The following DOCK4 variants were observed in gnomAD, a reference collection of about 807,000 sequenced individuals.
DOCK4 encodes dedicator of cytokinesis 4, also known as dedicator of cytokinesis protein 4.
A neutral mutation model predicts 268.1 loss-of-function variants in DOCK4; 97 were observed. That is an observed-to-expected ratio of 0.36 (90% confidence interval 0.31 to 0.43). The LOEUF is 0.43. Among genes scored for constraint, DOCK4 ranks in the 20% least tolerant of loss-of-function variants. The probability of loss-of-function intolerance (pLI) is 1.00; values close to 1 mark genes in which losing one functional copy is unlikely to be tolerated. For missense variants in DOCK4, 2,145 were observed against 2,455.7 expected, an observed-to-expected ratio of 0.87 and a Z score of 2.67; for synonymous variants, 954 against 887.2, an observed-to-expected ratio of 1.08 and a Z score of -1.34.
At chr7:111,983,430 G>A (rs140413217) in intron 7 of DOCK4, among the ~76,000 whole-genome samples, 526 of 152,250 alleles carry the variant, frequency 3.5e-3, no homozygotes, top group Admixed American at 7.2e-3. Flanking sequence ...CAGCAGTAAT[G>A]AGATCAAAGT....
chr7:112,008,455 G>A (rs781608455), intron 1 of DOCK4, among the ~76,000 whole-genome samples: 18 of 152,198 alleles, frequency 1.2e-4, no homozygotes, highest in African/African-American at 2.2e-4. Flanking sequence ...AGTTTAGTAC[G>A]TATTGACAGT....
intron 36 of DOCK4, among the ~76,000 whole-genome samples, chr7:111,771,449 T>A (rs573014247): frequency 1.3e-5 from 2 of 152,294 alleles, no homozygotes; most frequent in African/African-American, 4.8e-5. Context: ...TCTTTCTTAA[T>A]GGGATTGAAC....
At chr7:112,161,677 T>G (rs1444669140) in intron 1 of DOCK4, among the ~76,000 whole-genome samples, 1 of 152,178 alleles carries the variant, frequency 6.6e-6, no homozygotes. Context: ...GCTTTACTTA[T>G]GGAAGGAAGG....
At chr7:112,182,775 T>A (rs1819169339) in intron 1 of DOCK4, among the ~76,000 whole-genome samples, 1 of 152,254 alleles carries the variant, frequency 6.6e-6, no homozygotes, top group Admixed American at 6.5e-5. Context: ...CGGCTAGGTG[T>A]GCAGGCATGT....
At chr7:112,077,181 T>C (rs373222452) in intron 1 of DOCK4, among the ~76,000 whole-genome samples, 4 of 152,106 alleles carry the variant, frequency 2.6e-5, no homozygotes, top group South Asian at 2.1e-4. Context: ...AAAAGTAACC[T>C]TTTGGATAAA....
At chr7:112,174,146 G>A (rs928687291) in intron 1 of DOCK4, among the ~76,000 whole-genome samples, 1 of 152,016 alleles carries the variant, frequency 6.6e-6, no homozygotes, top group Non-Finnish European at 1.5e-5. Context: ...GACCAGCTGC[G>A]GACCTTCAAC....
At chr7:111,993,070 G>C (rs114467423) in intron 5 of DOCK4, among the ~76,000 whole-genome samples, 242 of 152,290 alleles carry the variant, frequency 1.6e-3, no homozygotes, top group African/African-American at 5.6e-3. Flanking sequence ...GAGTTCTAAA[G>C]CTACCAGCTA....
intron 30 of DOCK4, 199 bp downstream of exon 30, chr7:111,808,622 A>G: frequency 4.0e-6 from 2 of 506,164 alleles, no homozygotes; most frequent in East Asian, 5.8e-5. Context: ...AGGTAAGGTG[A>G]CTTTTCTTAG....
chr7:112,125,709 T>G lies in DOCK4; in HGVS notation c.37+80393A>C, dbSNP rs1813157235. On this transcript the variant is annotated intron_variant, in intron 1 of 52. Transcript: ENST00000428084. Reference sequence around the variant, plus strand: ...TTGTAAGAGTATCTAGTCATAGATCTGCTATAAAGCTTAAGTGAGACAGGT... The same window carrying G: ...TTGTAAGAGTATCTAGTCATAGATCGGCTATAAAGCTTAAGTGAGACAGGT... Among the ~76,000 whole-genome samples, 3 of 152,248 alleles carry G rather than the reference T, an allele frequency of 2.0e-5. No individual in the cohort carries two copies. In the South Asian group the frequency reaches 6.2e-4, roughly 31 times the overall value.
intron 30 of DOCK4, among the ~76,000 whole-genome samples, chr7:111,796,457 G>A (rs2133834106): frequency 6.6e-6 from 1 of 152,336 alleles, no homozygotes; most frequent in East Asian, 1.9e-4. Flanking sequence ...CTACTTCTGT[G>A]ATGAGGAAAG....
At chr7:112,202,436 T>C (rs1490246357) in intron 1 of DOCK4, among the ~76,000 whole-genome samples, 1 of 152,222 alleles carries the variant, frequency 6.6e-6, no homozygotes, top group Non-Finnish European at 1.5e-5. Flanking sequence ...AACAATGCAT[T>C]GTATACTTCA....
chr7:111,869,521 T>A, intron 21 of DOCK4, 53 bp downstream of exon 21: 3 of 1,531,306 alleles, frequency 2.0e-6, no homozygotes, highest in Non-Finnish European at 2.7e-6. Context: ...AGTTTAAGCA[T>A]CAGCATGCAA....
intron 4 of DOCK4, 101 bp downstream of exon 4, chr7:111,998,347 C>G (rs965707605): frequency 3.3e-5 from 30 of 917,762 alleles, no homozygotes; most frequent in Non-Finnish European, 4.5e-5. Flanking sequence ...GTATGATCTT[C>G]TACAGTTCAT....
At chr7:111,754,841 A>C (rs978289511) in intron 42 of DOCK4, among the ~76,000 whole-genome samples, 1 of 152,172 alleles carries the variant, frequency 6.6e-6, no homozygotes, top group Admixed American at 6.5e-5. Context: ...GCACCCACTG[A>C]TCTACAGTGG....
Position 111,736,966 on chromosome 7 carries a change from T to C in DOCK4, c.5256A>G (p.Gly1752=). 6.2e-7 allele frequency: 1 copy of C among 1,604,762 alleles called. No individual in the cohort carries two copies. Among genetic ancestry groups the C allele is most frequent in the South Asian group, 1.1e-5 (1 of 88,752 alleles). The part of the protein sequence containing the change: ...PSQRMLFNHI[G]DGALPRSDPN... Reference sequence around the variant, plus strand: ...GGTCACTGCGTGGCAAGGCCCCGTCTCCAATATGATTAAACAGCATCCTCT... The same window carrying C: ...GGTCACTGCGTGGCAAGGCCCCGTCCCCAATATGATTAAACAGCATCCTCT... Residue 1752 remains glycine, a synonymous_variant, in exon 50 of 53, where the codon GGA becomes GGG. Coordinates refer to ENST00000428084, the MANE Select transcript of DOCK4 (RefSeq NM_001363540.2).
chr7:112,066,592 A>ACGTGTG (rs1563051420), intron 1 of DOCK4, among the ~76,000 whole-genome samples: 30 of 107,446 alleles, frequency 2.8e-4, no homozygotes, highest in African/African-American at 1.7e-3. Flanking sequence ...ATATATACAC[A>ACGTGTG]TATACATATA....
intron 1 of DOCK4, among the ~76,000 whole-genome samples, chr7:112,048,560 C>A (rs1805053706): frequency 6.8e-6 from 1 of 147,314 alleles, no homozygotes; most frequent in Non-Finnish European, 1.5e-5. Context: ...GAGACCCCAT[C>A]TCAAAAAAAC....
intron 15 of DOCK4, among the ~76,000 whole-genome samples, chr7:111,896,325 G>A (rs974692630): frequency 3.3e-5 from 5 of 152,040 alleles, no homozygotes; most frequent in Admixed American, 6.6e-5. Flanking sequence ...TCTGGAAGCC[G>A]GAAATGAGGC....
chr7:111,757,699 T>C (rs1797124484), intron 41 of DOCK4, among the ~76,000 whole-genome samples: 1 of 152,130 alleles, frequency 6.6e-6, no homozygotes, highest in African/African-American at 2.4e-5. Flanking sequence ...GAATGATCCC[T>C]GGAAATACTT....
Sources: allele counts gnomAD v4.1 joint callset (sites outside exome capture counted in the v4.1 genomes callset), GRCh38; gene constraint gnomAD v4.1.1; transcripts MANE v1.5; gene names NCBI Gene and HGNC (gene_info 2026-07-23, HGNC 2026-07-21).